Variants in CCSER1 observed in about 807,000 individuals in gnomAD.
CCSER1 encodes the protein coiled-coil serine rich protein 1.
A neutral mutation model predicts 82.0 loss-of-function variants in CCSER1; 41 were observed. The observed-to-expected ratio is 0.50, with a 90% confidence interval of 0.39 to 0.65. The LOEUF (loss-of-function observed/expected upper bound fraction) is 0.65. Ranked by LOEUF, CCSER1 falls within the 30% of genes least tolerant of loss-of-function variation. CCSER1 has a pLI of 0.00. For missense variants in CCSER1, 1,119 were observed against 1,064.2 expected (o/e 1.05, Z -0.72); for synonymous variants, 414 against 383.9 (o/e 1.08, Z -0.92).
chr4:90,622,125 T>G (rs1393809925), intron 5 of CCSER1, among the ~76,000 whole-genome samples: 1 of 139,828 alleles, frequency 7.2e-6, no homozygotes, highest in Non-Finnish European at 1.6e-5. Flanking sequence ...TCAAATGTGT[T>G]CTTAGAGGTC....
chr4:91,556,903 A>G (rs898451033), intron 10 of CCSER1, among the ~76,000 whole-genome samples: 1 of 151,230 alleles, frequency 6.6e-6, no homozygotes, highest in African/African-American at 2.4e-5. Context: ...ATGTCAAAAC[A>G]ACAAAGTCAC....
intron 1 of CCSER1, among the ~76,000 whole-genome samples, chr4:90,255,941 A>G (rs989423991): frequency 6.6e-6 from 1 of 152,294 alleles, no homozygotes. Flanking sequence ...TATGTAACTT[A>G]TCTAAGCTAG....
intron 6 of CCSER1, among the ~76,000 whole-genome samples, chr4:90,700,853 G>C (rs993174179): frequency 6.6e-6 from 1 of 151,916 alleles, no homozygotes; most frequent in Non-Finnish European, 1.5e-5. Context: ...CTTTTAATTT[G>C]TTTGAGTTCT....
chr4:90,901,705 C>T (rs1724683438), intron 8 of CCSER1, among the ~76,000 whole-genome samples: 1 of 151,940 alleles, frequency 6.6e-6, no homozygotes, highest in African/African-American at 2.4e-5. Context: ...TCTCAAGCTG[C>T]CCTTAAGATT....
chr4:90,332,870 T>C (rs1739582352), intron 3 of CCSER1, among the ~76,000 whole-genome samples: 2 of 152,302 alleles, frequency 1.3e-5, no homozygotes, highest in African/African-American at 4.8e-5. Context: ...TAAATCTATA[T>C]TCAGTTTTTC....
At chr4:90,492,605 G>A (rs2153605866) in intron 5 of CCSER1, among the ~76,000 whole-genome samples, 2 of 152,260 alleles carry the variant, frequency 1.3e-5, no homozygotes, top group Middle Eastern at 3.4e-3. Context: ...CTTTAATTGT[G>A]ATGTTAGGGT....
At chr4:91,023,339 G>T (rs923984934) in intron 9 of CCSER1, among the ~76,000 whole-genome samples, 2 of 152,074 alleles carry the variant, frequency 1.3e-5, no homozygotes, top group African/African-American at 2.4e-5. Context: ...AAAAGAGCCC[G>T]CATTGCCAAG....
rs371462361 is a variant in CCSER1, at chr4:90,991,638, CTCA to C, written c.2172+68195_2172+68197del. Among the ~76,000 whole-genome samples, 61 of 152,092 alleles carry C rather than the reference CTCA, an allele frequency of 4.0e-4. 1 individual carries two copies. In the East Asian group the frequency reaches 6.4e-3, roughly 16 times the overall value. On this transcript the variant is annotated intron_variant, in intron 9 of 10. Coordinates refer to ENST00000509176, the MANE Select transcript of CCSER1 (RefSeq NM_001145065.2). ...CAGTCATATTGAACTAGGTCCCACT[CTCA>C]TCAAGTATGACCTCATTTTAAATTA... is the stretch of plus-strand genomic sequence containing the variant.
chr4:91,206,430 A>T (rs183675433), intron 10 of CCSER1, among the ~76,000 whole-genome samples: 152 of 152,094 alleles, frequency 1.0e-3, no homozygotes, highest in Admixed American at 9.1e-3. Context: ...GGGTTTTTGT[A>T]GAGTAAAAAG....
At chr4:90,661,160 T>C (rs1052141467) in intron 6 of CCSER1, among the ~76,000 whole-genome samples, 6 of 152,200 alleles carry the variant, frequency 3.9e-5, no homozygotes, top group African/African-American at 1.4e-4. Context: ...TTCCTGCCTT[T>C]CTCAAACTCC....
At chr4:91,397,301 T>C (rs1578357741) in intron 10 of CCSER1, among the ~76,000 whole-genome samples, 1 of 152,100 alleles carries the variant, frequency 6.6e-6, no homozygotes, top group African/African-American at 2.4e-5. Flanking sequence ...AAGACAGATA[T>C]AAGAAACAAA....
chr4:91,569,926 G>A (rs1452054386), intron 10 of CCSER1, among the ~76,000 whole-genome samples: 2 of 152,124 alleles, frequency 1.3e-5, no homozygotes, highest in Non-Finnish European at 2.9e-5. Flanking sequence ...AGTCCCTTCT[G>A]TCTATTAGCC....
intron 1 of CCSER1, among the ~76,000 whole-genome samples, chr4:90,272,876 G>A (rs1038776400): frequency 6.6e-6 from 1 of 152,108 alleles, no homozygotes; most frequent in Non-Finnish European, 1.5e-5. Context: ...GGTGGCATGC[G>A]CCTGTAATCC....
At chr4:91,257,366 T>A (rs568611705) in intron 10 of CCSER1, among the ~76,000 whole-genome samples, 1 of 152,166 alleles carries the variant, frequency 6.6e-6, no homozygotes, top group South Asian at 2.1e-4. Context: ...TAATTTTTTT[T>A]AATATCAAGC....
intron 10 of CCSER1, among the ~76,000 whole-genome samples, chr4:91,503,315 C>G (rs1264492808): frequency 1.4e-5 from 2 of 147,994 alleles, no homozygotes; most frequent in African/African-American, 2.5e-5. Flanking sequence ...GCAGTCCAAC[C>G]TGGGAGAAAG....
At chr4:90,870,522 T>C (rs67238347) in intron 8 of CCSER1, among the ~76,000 whole-genome samples, 16,938 of 151,844 alleles carry the variant, frequency 0.11, 1,012 homozygotes, top group African/African-American at 0.14. Flanking sequence ...CATTTTTGCA[T>C]CCTGGAGATA....
intron 1 of CCSER1, among the ~76,000 whole-genome samples, chr4:90,132,118 AC>A (rs1722921930): frequency 6.6e-6 from 1 of 152,226 alleles, no homozygotes; most frequent in Admixed American, 6.5e-5. Flanking sequence ...AAGAGTTATT[AC>A]AAAAGTGAAA....
intron 5 of CCSER1, among the ~76,000 whole-genome samples, chr4:90,521,755 T>C (rs1337027438): frequency 3.3e-5 from 5 of 152,170 alleles, no homozygotes; most frequent in Non-Finnish European, 7.4e-5. Context: ...ATTTTCTTTA[T>C]GTTTTCTCCT....
chr4:90,672,987 C>G (rs1174896205), intron 6 of CCSER1, among the ~76,000 whole-genome samples: 1 of 151,848 alleles, frequency 6.6e-6, no homozygotes, highest in Admixed American at 6.6e-5. Context: ...AGATCACTGA[C>G]CACGTATCAT....
Sources: allele counts gnomAD v4.1 joint callset (sites outside exome capture counted in the v4.1 genomes callset), GRCh38; gene constraint gnomAD v4.1.1; transcripts MANE v1.5; gene names NCBI Gene and HGNC (gene_info 2026-07-23, HGNC 2026-07-21).